The following GPC6 variants were observed in gnomAD, a reference collection of about 807,000 sequenced individuals.
GPC6 encodes glypican 6.
Under a neutral mutation model 55.2 loss-of-function variants are expected in GPC6, and 14 were observed. That is an observed-to-expected ratio of 0.25 (90% CI 0.17 to 0.40). The LOEUF (loss-of-function observed/expected upper bound fraction) is 0.40, where lower values mean the gene tolerates loss of function less well. GPC6 is among the 10% of genes least tolerant of loss of function. The probability of loss-of-function intolerance (pLI) is 1.00; values close to 1 mark genes in which losing one functional copy is unlikely to be tolerated. For missense variants in GPC6, 641 were observed against 708.5 expected (o/e 0.90, Z 1.08); for synonymous variants, 278 against 259.6 (o/e 1.07, Z -0.68).
Position 93,243,996 on chromosome 13 carries a change from G to A in GPC6, c.160+16380G>A, listed in dbSNP as rs552998291. The stretch of plus-strand genomic sequence containing the variant: ...TAAAAGGCCCTGTCTGTGTTCTGCT[G>A]CCAAGGTGGGTGGAGGGGAAAAGCT... On this transcript the variant is annotated intron_variant, in intron 1 of 8. Transcript: ENST00000377047. 3.9e-5 allele frequency among the ~76,000 whole-genome samples: 6 copies of A among 152,174 alleles called. No individual in the cohort carries two copies. In the South Asian group the frequency reaches 1.2e-3, roughly 32 times the overall value.
At chr13:94,294,833 G>A (rs897512860) in intron 5 of GPC6, among the ~76,000 whole-genome samples, 1 of 152,092 alleles carries the variant, frequency 6.6e-6, no homozygotes, top group African/African-American at 2.4e-5. Context: ...GTAAGGCAGT[G>A]AGCATATTAT....
chr13:94,342,423 C>A (rs572934717), intron 6 of GPC6, among the ~76,000 whole-genome samples: 1 of 152,206 alleles, frequency 6.6e-6, no homozygotes, highest in South Asian at 2.1e-4. Flanking sequence ...AGGAAGAACA[C>A]CGTGTAAAGA....
intron 1 of GPC6, among the ~76,000 whole-genome samples, chr13:93,442,948 G>A (rs1566360130): frequency 6.6e-6 from 1 of 152,018 alleles, no homozygotes; most frequent in Admixed American, 6.6e-5. Context: ...TTACATCCAT[G>A]TGTGCTTGTC....
chr13:93,575,987 C>G (rs1807832485), intron 2 of GPC6, among the ~76,000 whole-genome samples: 1 of 152,028 alleles, frequency 6.6e-6, no homozygotes, highest in African/African-American at 2.4e-5. Context: ...TCTTCATTGA[C>G]TCTATAATAA....
At chr13:94,185,574 T>G (rs1188525477) in intron 4 of GPC6, among the ~76,000 whole-genome samples, 1 of 151,880 alleles carries the variant, frequency 6.6e-6, no homozygotes, top group Non-Finnish European at 1.5e-5. Flanking sequence ...ATAGAACAAT[T>G]TACCTCATTG....
At position 94,407,277 on chromosome 13, in the gene GPC6, G is replaced by A. The variant is rs1245962879; in HGVS notation, c.*4060G>A. 6 of 152,020 alleles carry A rather than the reference G, an allele frequency of 3.9e-5. No homozygotes were observed. Among genetic ancestry groups the A allele is most frequent in the African/African-American group, 1.4e-4 (6 of 41,392 alleles). The allele number at this position is 152,020 out of a possible 1,614,324, so 9.4% of individuals were successfully genotyped here. A position where few individuals can be genotyped will look rare whatever the true frequency, so the allele number is the denominator to read the frequency against. On this transcript the variant is annotated 3_prime_UTR_variant, in exon 9 of 9. Transcript: ENST00000377047. ...TAATATATATGCAGGATAAATGTGT[G>A]CACCAATCAAATCTAAAATTTTATG...
At chr13:93,696,528 T>TC (rs201334716) in intron 2 of GPC6, among the ~76,000 whole-genome samples, 2,130 of 150,626 alleles carry the variant, frequency 0.014, 64 homozygotes, top group African/African-American at 0.049. Context: ...CTTTCTTCCC[T>TC]CCCCCTTTTT....
At chr13:94,266,196 T>C (rs1891803110) in intron 4 of GPC6, among the ~76,000 whole-genome samples, 1 of 150,444 alleles carries the variant, frequency 6.6e-6, no homozygotes, top group Non-Finnish European at 1.5e-5. Flanking sequence ...TGAGAAGGAG[T>C]CTCGCTCTGT....
At chr13:93,667,605 G>C (rs1411558877) in intron 2 of GPC6, among the ~76,000 whole-genome samples, 4 of 151,890 alleles carry the variant, frequency 2.6e-5, no homozygotes, top group African/African-American at 9.7e-5. Flanking sequence ...GCTAATTTTT[G>C]TATGTTTAGT....
chr13:94,152,166 C>T (rs1593991834), intron 4 of GPC6, among the ~76,000 whole-genome samples: 1 of 152,146 alleles, frequency 6.6e-6, no homozygotes, highest in Non-Finnish European at 1.5e-5. Context: ...TTTGGAAGCT[C>T]CCCTGAGCCT....
intron 4 of GPC6, among the ~76,000 whole-genome samples, chr13:94,085,343 A>AG (rs1255625420): frequency 1.3e-5 from 2 of 148,484 alleles, no homozygotes; most frequent in East Asian, 2.0e-4. Flanking sequence ...AAAAAAAAAA[A>AG]AGGGAAGAAA....
At chr13:93,286,907 CT>C (rs1307133157) in intron 1 of GPC6, among the ~76,000 whole-genome samples, 1 of 152,042 alleles carries the variant, frequency 6.6e-6, no homozygotes, top group Non-Finnish European at 1.5e-5. Context: ...AAATTCCAAG[CT>C]TTTTGAGTTC....
At chr13:93,356,309 TA>T (rs1255282760) in intron 1 of GPC6, among the ~76,000 whole-genome samples, 1 of 152,156 alleles carries the variant, frequency 6.6e-6, no homozygotes, top group East Asian at 1.9e-4. Context: ...TTGTCTCCAG[TA>T]GAGCAAGAGT....
chr13:93,479,457 T>C (rs1202741421), intron 1 of GPC6, among the ~76,000 whole-genome samples: 1 of 152,062 alleles, frequency 6.6e-6, no homozygotes, highest in Non-Finnish European at 1.5e-5. Context: ...AAGTTAAAGT[T>C]AGGAGAAGTA....
At chr13:93,682,136 A>T (rs1203949526) in intron 2 of GPC6, among the ~76,000 whole-genome samples, 1 of 152,188 alleles carries the variant, frequency 6.6e-6, no homozygotes, top group Non-Finnish European at 1.5e-5. Context: ...AGGAGTAAAG[A>T]TTTATTCCAA....
At chr13:94,128,312 G>A (rs1284942881) in intron 4 of GPC6, among the ~76,000 whole-genome samples, 1 of 152,128 alleles carries the variant, frequency 6.6e-6, no homozygotes, top group African/African-American at 2.4e-5. Flanking sequence ...ATGATCACTT[G>A]CAAGCTGATT....
chr13:93,927,309 A>G (rs767034798), intron 3 of GPC6, among the ~76,000 whole-genome samples: 66 of 152,238 alleles, frequency 4.3e-4, no homozygotes, highest in Non-Finnish European at 6.9e-4. Flanking sequence ...TAGACTATGA[A>G]TAATGACTTT....
In GPC6 at chr13:93,882,892, T is replaced by C. The variant is rs1029499108; in HGVS notation, c.711+52347T>C. Among the ~76,000 whole-genome samples, 3 of 152,174 alleles carry C rather than the reference T, an allele frequency of 2.0e-5. 1 individual carries two copies. The highest frequency in any genetic ancestry group is 7.2e-5 in the African/African-American group (3 of 41,434). On this transcript the variant is annotated intron_variant, in intron 3 of 8. Transcript: ENST00000377047. ...ACTCACTGAGAGTGGAACTTTAGTC[T>C]GTAATTTTTATTTTCAGTCATCTGT...
chr13:93,955,865 A>G (rs1057001561), intron 3 of GPC6, among the ~76,000 whole-genome samples: 2 of 152,190 alleles, frequency 1.3e-5, no homozygotes, highest in African/African-American at 4.8e-5. Flanking sequence ...CTCCAGCTTT[A>G]TCCTGACAGA....
Sources: allele counts gnomAD v4.1 joint callset (sites outside exome capture counted in the v4.1 genomes callset), GRCh38; gene constraint gnomAD v4.1.1; transcripts MANE v1.5; gene names NCBI Gene and HGNC (gene_info 2026-07-23, HGNC 2026-07-21).